The following SORBS2 variants were observed in gnomAD, a reference collection of about 807,000 sequenced individuals.
SORBS2 encodes sorbin and SH3 domain containing 2.
Under a neutral mutation model 97.7 loss-of-function variants are expected in SORBS2, and 46 were observed. The observed-to-expected ratio is 0.47, with a 90% CI of 0.37 to 0.60. The LOEUF (loss-of-function observed/expected upper bound fraction) is 0.60. Ranked by LOEUF, SORBS2 falls within the 20% of genes least tolerant of loss-of-function variation. SORBS2 has a pLI of 0.00. For synonymous variants in SORBS2, 476 were observed against 473.4 expected (o/e 1.01, Z -0.07); for missense variants, 1,316 against 1,282.3 (o/e 1.03, Z -0.40).
intron 1 of SORBS2, among the ~76,000 whole-genome samples, chr4:185,847,954 C>G (rs762321005): frequency 1.3e-5 from 2 of 152,120 alleles, no homozygotes; most frequent in African/African-American, 2.4e-5. Flanking sequence ...ACATTCATGC[C>G]GAGTCGCAGG....
At chr4:185,679,973 T>C (rs1346656570) in intron 2 of SORBS2, among the ~76,000 whole-genome samples, 1 of 152,188 alleles carries the variant, frequency 6.6e-6, no homozygotes, top group African/African-American at 2.4e-5. Context: ...CAGAGTACAT[T>C]AGAATGATTC....
intron 2 of SORBS2, among the ~76,000 whole-genome samples, chr4:185,737,221 T>G (rs2098693178): frequency 6.6e-6 from 1 of 152,224 alleles, no homozygotes; most frequent in Non-Finnish European, 1.5e-5. Context: ...GAATTTCCTC[T>G]GCTTTCAAGT....
intron 2 of SORBS2, among the ~76,000 whole-genome samples, chr4:185,682,782 G>A (rs1221002988): frequency 3.3e-5 from 5 of 151,978 alleles, no homozygotes; most frequent in South Asian, 2.1e-4. Context: ...AGGCTGAGGC[G>A]GGCGGATCAC....
intron 7 of SORBS2, among the ~76,000 whole-genome samples, chr4:185,621,632 C>T (rs1044471565): frequency 7.0e-6 from 1 of 143,618 alleles, no homozygotes; most frequent in Non-Finnish European, 1.5e-5. Context: ...CAAAGATAAA[C>T]GTAAGTGTAT....
chr4:185,734,873 A>C (rs1410751315), intron 2 of SORBS2, among the ~76,000 whole-genome samples: 2 of 152,184 alleles, frequency 1.3e-5, no homozygotes, highest in Non-Finnish European at 2.9e-5. Flanking sequence ...TGATCATTAC[A>C]CCAGCTCTTG....
chr4:185,873,872 C>T (rs902659441), intron 1 of SORBS2, among the ~76,000 whole-genome samples: 1 of 151,768 alleles, frequency 6.6e-6, no homozygotes, highest in Non-Finnish European at 1.5e-5. Context: ...ATAATTATGC[C>T]AATATAAACT....
intron 4 of SORBS2, among the ~76,000 whole-genome samples, chr4:185,673,459 A>G (rs2097749537): frequency 1.3e-5 from 2 of 152,096 alleles, no homozygotes. Flanking sequence ...ACCTACCAGT[A>G]AAAAAAATGA....
At chr4:185,903,997 T>A (rs78004288) in intron 1 of SORBS2, among the ~76,000 whole-genome samples, 2,734 of 152,290 alleles carry the variant, frequency 0.018, 90 homozygotes, top group African/African-American at 0.062. Context: ...TACCCATTCC[T>A]CTGGAAATTT....
intron 1 of SORBS2, among the ~76,000 whole-genome samples, chr4:185,833,140 C>T (rs2099206042): frequency 6.6e-6 from 1 of 152,146 alleles, no homozygotes; most frequent in South Asian, 2.1e-4. Context: ...GATAAGTTAT[C>T]CATGGAAAAT....
intron 1 of SORBS2, among the ~76,000 whole-genome samples, chr4:185,951,421 C>A (rs2099277181): frequency 6.6e-6 from 1 of 152,212 alleles, no homozygotes; most frequent in East Asian, 1.9e-4. Context: ...GGTACTGCTG[C>A]CCTGTCATCT....
In SORBS2 at chr4:185,939,659, T is replaced by TGTG. The variant is rs1388238685; in HGVS notation, c.-338+16536_-338+16537insCAC. Among the ~76,000 whole-genome samples the TGTG allele has an allele frequency of 2.0e-5, 3 of 152,282 alleles. No individual in the cohort carries two copies. The East Asian group carries it at 5.8e-4, about 29-fold the overall frequency. ...CCTAGTAGCTGGGATTACAGGCACG[T>TGTG]GCCACCACGCCTGGCTAATTTTGTA... is the stretch of plus-strand genomic sequence containing the variant. On this transcript the variant is annotated intron_variant, in intron 1 of 20. Coordinates refer to the SORBS2 transcript ENST00000284776.
chr4:185,837,271 G>C (rs1487289168), intron 1 of SORBS2, among the ~76,000 whole-genome samples: 1 of 152,054 alleles, frequency 6.6e-6, no homozygotes, highest in Admixed American at 6.6e-5. Flanking sequence ...AAGATGAAAG[G>C]CCAGAACTGC....
chr4:185,786,745 T>G (rs1455199083), intron 1 of SORBS2, among the ~76,000 whole-genome samples: 1 of 152,086 alleles, frequency 6.6e-6, no homozygotes, highest in Non-Finnish European at 1.5e-5. Flanking sequence ...GCAAATCACT[T>G]GAGGTCAGGA....
At chr4:185,707,622 T>C (rs963000756) in intron 2 of SORBS2, among the ~76,000 whole-genome samples, 1 of 152,172 alleles carries the variant, frequency 6.6e-6, no homozygotes, top group Non-Finnish European at 1.5e-5. Flanking sequence ...TATTTGTTTG[T>C]TCTCATGTTC....
chr4:185,806,710 G>A (rs574588156), intron 1 of SORBS2, among the ~76,000 whole-genome samples: 3 of 151,918 alleles, frequency 2.0e-5, no homozygotes, highest in East Asian at 1.9e-4. Flanking sequence ...CGCCCGCCTC[G>A]GCCTCCCAAA....
chr4:185,595,293 C>T (rs1319962150), intron 12 of SORBS2, among the ~76,000 whole-genome samples: 7 of 152,134 alleles, frequency 4.6e-5, no homozygotes, highest in Non-Finnish European at 1.0e-4. Context: ...AGAATTACTG[C>T]ACACAATTAT....
intron 1 of SORBS2, among the ~76,000 whole-genome samples, chr4:185,951,502 T>C (rs2099277203): frequency 6.6e-6 from 1 of 152,216 alleles, no homozygotes; most frequent in African/African-American, 2.4e-5. Context: ...GTGTCCTTTG[T>C]ACCTTTCTCA....
At chr4:185,881,477 GAAGA>G (rs2099236846) in intron 1 of SORBS2, among the ~76,000 whole-genome samples, 1 of 152,148 alleles carries the variant, frequency 6.6e-6, no homozygotes, top group South Asian at 2.1e-4. Flanking sequence ...CATCAAGCAT[GAAGA>G]AAGAATTTTC....
chr4:185,698,221 A>G (rs981402791), intron 2 of SORBS2, among the ~76,000 whole-genome samples: 18 of 152,204 alleles, frequency 1.2e-4, no homozygotes, highest in African/African-American at 4.3e-4. Context: ...CACGCCTGTA[A>G]TCCCAGCACT....
Sources: gnomAD v4.1 joint callset for allele counts (sites outside exome capture counted in the v4.1 genomes callset) on GRCh38, gnomAD v4.1.1 for gene constraint, MANE v1.5 for transcripts, NCBI Gene and HGNC (gene_info 2026-07-23, HGNC 2026-07-21) for gene names.